UVRAG: variants seen among roughly 807,000 people sequenced by gnomAD.
UVRAG encodes UV radiation resistance-associated gene protein.
A neutral mutation model predicts 78.0 loss-of-function variants in UVRAG; 19 were observed. The ratio of observed to expected loss-of-function variants is 0.24; its 90% confidence interval spans 0.17 to 0.36. UVRAG has a LOEUF of 0.36. Ranked by LOEUF, UVRAG falls within the 10% of genes least tolerant of loss-of-function variation. The pLI, the probability that UVRAG is intolerant of heterozygous loss-of-function variation, is 1.00. For synonymous variants in UVRAG, 323 were observed against 324.6 expected, an observed-to-expected ratio of 1.00 and a Z score of 0.05; for missense variants, 740 against 853.8, an observed-to-expected ratio of 0.87 and a Z score of 1.66.
intron 10 of UVRAG, among the ~76,000 whole-genome samples, chr11:76,008,315 A>G (rs1280802430): frequency 6.6e-6 from 1 of 152,178 alleles, no homozygotes; most frequent in Non-Finnish European, 1.5e-5. Context: ...TCCTGGGGTA[A>G]CTGTCAGGCT....
chr11:75,833,673 G>A (rs565454191), intron 1 of UVRAG, among the ~76,000 whole-genome samples: 2 of 152,150 alleles, frequency 1.3e-5, no homozygotes, highest in Non-Finnish European at 2.9e-5. Context: ...ATTTACCCAC[G>A]TATTTATTAA....
rs534664245 is a variant in UVRAG at position 75,911,698 on chromosome 11, G to A, written c.508-256G>A. The stretch of plus-strand genomic sequence containing the variant: ...GCACTGTGGTGGGAGGGAAGGCCGC[G>A]GGACTCAGGGCTGGGCTGGGCGCGC... On this transcript the variant is annotated intron_variant, in intron 5 of 14. Coordinates refer to ENST00000356136, the MANE Select transcript of UVRAG (RefSeq NM_003369.4). 1.4e-5 allele frequency: 4 copies of A among 295,598 alleles called. No individual in the cohort carries two copies. The East Asian group carries it at 2.9e-4, about 21-fold the overall frequency. 18.3% of individuals were successfully genotyped at this position (295,598 alleles called of 1,614,324 possible). A position where few individuals can be genotyped will look rare whatever the true frequency, so the allele number is the denominator to read the frequency against.
chr11:76,004,119 A>C lies in UVRAG; in HGVS notation c.911+30A>C, dbSNP rs1209391604. The stretch of plus-strand genomic sequence containing the variant: ...ATGCACACTGAGAAGAATTGCTGTG[A>C]GTGTGGAGTTTACTGCGAGGATAGA... On this transcript the variant is annotated intron_variant, in intron 9 of 14. Transcript: ENST00000356136. 4 of 1,602,752 alleles carry C rather than the reference A, an allele frequency of 2.5e-6. No homozygotes were observed. The African/African-American group carries it at 5.4e-5, about 21-fold the overall frequency.
chr11:75,878,904 A>AGGGGGG (rs1946876373), intron 3 of UVRAG, among the ~76,000 whole-genome samples: 2 of 49,806 alleles, frequency 4.0e-5, no homozygotes, highest in Admixed American at 2.3e-4. Context: ...AGGGACAGGG[A>AGGGGGG]GGGGGAGGGG....
chr11:75,951,528 ATGTGCCATCACGCC>A (rs576144438), intron 6 of UVRAG, among the ~76,000 whole-genome samples: 30 of 152,218 alleles, frequency 2.0e-4, no homozygotes, highest in Non-Finnish European at 4.0e-4. Flanking sequence ...GATTACAGGC[ATGTGCCATCACGCC>A]TGGCTAATTT....
Position 76,008,820 on chromosome 11 carries a change from A to G in UVRAG, c.1013A>G (p.Asp338Gly), listed in dbSNP as rs1181496187. 1.4e-6 allele frequency: 2 copies of G among 1,480,480 alleles called. No homozygotes were observed. The highest frequency in any genetic ancestry group is 4.1e-5 in the Admixed American group (2 of 48,564). 91.7% of individuals were successfully genotyped at this position (1,480,480 alleles called of 1,614,324 possible). Residue 338 changes from aspartate (D) to glycine (G), a missense_variant, in exon 11 of 15, where the codon GAT becomes GGT. Asp to Gly is a moderately conservative substitution (Grantham distance 94). Transcript: ENST00000356136. The part of the protein sequence containing the change: ...IYPIDLNEHK[D>G]YFVCGVKLPN... ...TTAAATTCACAGAATGAACATAAGG[A>G]TTACTTTGTATGCGGTGTCAAGTTG... is the stretch of plus-strand genomic sequence containing the variant.
At chr11:76,083,986 G>A (rs967905473) in intron 13 of UVRAG, among the ~76,000 whole-genome samples, 1 of 152,226 alleles carries the variant, frequency 6.6e-6, no homozygotes, top group African/African-American at 2.4e-5. Context: ...AGTGGGCTTA[G>A]CCAGGTTGGT....
intron 6 of UVRAG, among the ~76,000 whole-genome samples, chr11:75,958,834 G>T (rs1160694768): frequency 6.6e-6 from 1 of 152,202 alleles, no homozygotes; most frequent in Non-Finnish European, 1.5e-5. Context: ...AAACTTGAAA[G>T]TTGAAATGCC....
chr11:76,084,769 C>G (rs1293783841), intron 13 of UVRAG, among the ~76,000 whole-genome samples: 2 of 151,926 alleles, frequency 1.3e-5, no homozygotes, highest in African/African-American at 4.8e-5. Context: ...TGTATAAAAT[C>G]TAATTGTTCT....
intron 12 of UVRAG, among the ~76,000 whole-genome samples, chr11:76,036,532 C>T (rs529519518): frequency 4.3e-4 from 66 of 151,944 alleles, no homozygotes; most frequent in African/African-American, 1.6e-3. Flanking sequence ...TAGAGTGAGA[C>T]CCTGTCTCAA....
intron 1 of UVRAG, among the ~76,000 whole-genome samples, chr11:75,833,041 A>G (rs1945695275): frequency 6.6e-6 from 1 of 152,182 alleles, no homozygotes; most frequent in South Asian, 2.1e-4. Context: ...GTATGCCGTG[A>G]TTTGGAATTT....
At chr11:75,834,428 G>A (rs746302075) in intron 1 of UVRAG, among the ~76,000 whole-genome samples, 17 of 152,032 alleles carry the variant, frequency 1.1e-4, no homozygotes, top group African/African-American at 1.2e-4. Flanking sequence ...TTGGTCACCC[G>A]GTCAAGGTGT....
At chr11:76,006,863 A>G (rs958451830) in intron 9 of UVRAG, among the ~76,000 whole-genome samples, 2 of 152,174 alleles carry the variant, frequency 1.3e-5, no homozygotes, top group Non-Finnish European at 2.9e-5. Flanking sequence ...TGGCCTCATT[A>G]AATTGACTGT....
At chr11:75,933,702 C>T (rs750803351) in intron 6 of UVRAG, among the ~76,000 whole-genome samples, 1 of 152,178 alleles carries the variant, frequency 6.6e-6, no homozygotes, top group African/African-American at 2.4e-5. Context: ...TCTGAATAGA[C>T]ATTTCTCAAA....
At chr11:76,106,817 G>T (rs1591245026) in intron 13 of UVRAG, among the ~76,000 whole-genome samples, 1 of 152,272 alleles carries the variant, frequency 6.6e-6, no homozygotes, top group East Asian at 1.9e-4. Flanking sequence ...AGCAGAAGTT[G>T]GGCCTGCTGG....
At chr11:76,009,230 A>G (rs932503290) in intron 11 of UVRAG, among the ~76,000 whole-genome samples, 1 of 152,132 alleles carries the variant, frequency 6.6e-6, no homozygotes, top group African/African-American at 2.4e-5. Context: ...CTGTTCTGTT[A>G]TTATTTAGAA....
rs1039296091 is a variant in UVRAG at position 76,142,910 on chromosome 11, C to T, written c.*1497C>T. On this transcript the variant is annotated 3_prime_UTR_variant, in exon 15 of 15. Transcript: ENST00000356136. Reference sequence around the variant, plus strand: ...TTTTGTGTCCAAGCATTCCTGGGCTCAAGTTTAATGTATAGCTACATTGTT... The same window carrying T: ...TTTTGTGTCCAAGCATTCCTGGGCTTAAGTTTAATGTATAGCTACATTGTT... 2 of 152,326 alleles carry T rather than the reference C, an allele frequency of 1.3e-5. No individual in the cohort carries two copies. The highest frequency in any genetic ancestry group is 2.9e-5 in the Non-Finnish European group (2 of 68,046). 9.4% of individuals were successfully genotyped at this position (152,326 alleles called of 1,614,324 possible). A position where few individuals can be genotyped will look rare whatever the true frequency, so the allele number is the denominator to read the frequency against.
At chr11:75,965,878 A>G (rs1418136147) in intron 7 of UVRAG, among the ~76,000 whole-genome samples, 1 of 152,096 alleles carries the variant, frequency 6.6e-6, no homozygotes, top group Non-Finnish European at 1.5e-5. Flanking sequence ...GCACAGTTTT[A>G]TGCCCTTTAT....
At chr11:76,107,873 G>T (rs973795046) in intron 13 of UVRAG, among the ~76,000 whole-genome samples, 1 of 151,736 alleles carries the variant, frequency 6.6e-6, no homozygotes, top group Non-Finnish European at 1.5e-5. Flanking sequence ...TGAAATAGTG[G>T]TAACTAGTTC....
Sources: gnomAD v4.1 joint callset for allele counts (sites outside exome capture counted in the v4.1 genomes callset) on GRCh38, gnomAD v4.1.1 for gene constraint, MANE v1.5 for transcripts, NCBI Gene and HGNC (gene_info 2026-07-23, HGNC 2026-07-21) for gene names.